Variants in ARAP3 observed in about 807,000 individuals in gnomAD.
The protein encoded by ARAP3 is ArfGAP with RhoGAP domain, ankyrin repeat and PH domain 3, also known as arf-GAP with Rho-GAP domain, ANK repeat and PH domain-containing protein 3.
In ARAP3, 82 loss-of-function variants were observed where a neutral mutation model predicts 169.2. The ratio of observed to expected loss-of-function variants is 0.48; its 90% CI spans 0.41 to 0.58. ARAP3 has a LOEUF of 0.58. Ranked by LOEUF, ARAP3 falls within the 20% of genes least tolerant of loss-of-function variation. The pLI is 0.00. For synonymous variants in ARAP3, 791 were observed against 800.3 expected, an observed-to-expected ratio of 0.99 and a Z score of 0.20; for missense variants, 1,764 against 2,018.0, an observed-to-expected ratio of 0.87 and a Z score of 2.41.
chr5:141,656,854 G>A lies in ARAP3; in HGVS notation c.3527-8C>T, dbSNP rs1470017959. 1.2e-6 allele frequency: 2 copies of A among 1,611,880 alleles called. No homozygotes were observed. Among genetic ancestry groups the A allele is most frequent in the African/African-American group, 1.3e-5 (1 of 74,862 alleles). The stretch of plus-strand genomic sequence containing the variant: ...TGGGATGCAGTGGCCGCTCTTAAGG[G>A]GAAAGGTGAGGGTTTATATATCAAT... On this transcript the variant is annotated splice_region_variant and splice_polypyrimidine_tract_variant and intron_variant, in intron 25 of 32. Transcript: ENST00000239440.
chr5:141,661,882 T>C (rs1050709088), intron 20 of ARAP3, 93 bp from the exon 21 acceptor site: 4 of 1,475,372 alleles, frequency 2.7e-6, no homozygotes, highest in Admixed American at 1.7e-5. Context: ...AAATGCAGGA[T>C]GGATGTGTCT....
chr5:141,662,173 G>A lies in ARAP3; in HGVS notation c.2883C>T (p.Ala961=), dbSNP rs2099910049. The A allele has an allele frequency of 6.2e-7, 1 of 1,614,194 alleles. No individual in the cohort carries two copies. Among genetic ancestry groups the A allele is most frequent in the Non-Finnish European group, 8.5e-7 (1 of 1,180,036 alleles). Reference sequence around the variant, plus strand: ...CCCCTGGTCGGAGCTTCACCGACCGGGCATCCCGACGGAACTCAGCCAGGA... The same window carrying A: ...CCCCTGGTCGGAGCTTCACCGACCGAGCATCCCGACGGAACTCAGCCAGGA... ...LRLLAEFRRD[A]RSVKLRPGEH... is the part of the protein sequence containing the mutation. Residue 961 remains alanine, a synonymous_variant, in exon 20 of 33, where the codon GCC becomes GCT. Transcript: ENST00000239440.
Position 141,672,390 on chromosome 5 carries a change from C to A in ARAP3, c.1386-89G>T. On this transcript the variant is annotated intron_variant, in intron 9 of 32. Transcript: ENST00000239440. The surrounding 1 kb of genome is among the most constrained non-coding windows in gnomAD (Gnocchi z 4.9). ...TTCCTGCAGGAGCCACCACAGGCCA[C>A]ACCTGGGGCAGCCCAGACCCTTCTG... 23 of 1,555,772 alleles carry A rather than the reference C, an allele frequency of 1.5e-5. No homozygotes were observed. The highest frequency in any genetic ancestry group is 1.9e-5 in the Non-Finnish European group (22 of 1,138,544).
chr5:141,673,824 A>C lies in ARAP3; in HGVS notation c.699-16T>G. 6.2e-7 allele frequency: 1 copy of C among 1,612,992 alleles called. No individual in the cohort carries two copies. Reference sequence around the variant, plus strand: ...TCTGCTGAGCCTTGTGGGGGCCAAGACAGGGAGGGACACACATTAGACAAG... The same window carrying C: ...TCTGCTGAGCCTTGTGGGGGCCAAGCCAGGGAGGGACACACATTAGACAAG... On this transcript the variant is annotated splice_polypyrimidine_tract_variant and intron_variant, in intron 4 of 32. Coordinates refer to ENST00000239440, the MANE Select transcript of ARAP3 (RefSeq NM_022481.6).
At chr5:141,679,438 G>A in intron 4 of ARAP3, 107 bp downstream of exon 4, 1 of 1,106,246 alleles carries the variant, frequency 9.0e-7, no homozygotes, top group Non-Finnish European at 1.3e-6. Context: ...TGTATCTTGA[G>A]TGCCTGGCTG....
intron 32 of ARAP3, 38 bp downstream of exon 32, chr5:141,655,324 G>A (rs777293917): frequency 6.4e-7 from 1 of 1,562,084 alleles, no homozygotes; most frequent in Non-Finnish European, 8.7e-7. Context: ...GGAATACAGG[G>A]TTGACAGGCA....
intron 25 of ARAP3, among the ~76,000 whole-genome samples, chr5:141,657,342 C>T (rs963091040): frequency 2.6e-5 from 4 of 152,138 alleles, no homozygotes; most frequent in Non-Finnish European, 4.4e-5. Flanking sequence ...AGGATAGATA[C>T]GAGAACAGGT....
At chr5:141,661,993 G>C (rs1420168830) in intron 20 of ARAP3, 50 bp downstream of exon 20, 12 of 1,604,200 alleles carry the variant, frequency 7.5e-6, no homozygotes, top group South Asian at 1.1e-5. Context: ...TCTGGTGGGG[G>C]AAGGCAGAGA....
At chr5:141,654,527 G>C in intron 32 of ARAP3, 92 bp from the exon 33 acceptor site, 1 of 1,484,098 alleles carries the variant, frequency 6.7e-7, no homozygotes, top group Non-Finnish European at 9.0e-7. Context: ...CTCTGGGCCA[G>C]ATGCTGTAAA....
chr5:141,678,071 T>C (rs943643087), intron 4 of ARAP3, among the ~76,000 whole-genome samples: 5 of 151,864 alleles, frequency 3.3e-5, no homozygotes, highest in Non-Finnish European at 5.9e-5. Context: ...CTCAGCCTCC[T>C]GAGTAGCTGG....
intron 1 of ARAP3, among the ~76,000 whole-genome samples, chr5:141,681,951 T>G (rs1443844007): frequency 5.4e-5 from 4 of 74,134 alleles, no homozygotes; most frequent in Non-Finnish European, 5.7e-5. Context: ...GGGACAGGAG[T>G]GGCGGGGGCG....
At position 141,677,015 on chromosome 5, in the gene ARAP3, C is replaced by A. The variant is rs548958285; in HGVS notation, c.698+2530G>T. On this transcript the variant is annotated intron_variant, in intron 4 of 32. Coordinates refer to ENST00000239440, the MANE Select transcript of ARAP3 (RefSeq NM_022481.6). ...TCTTCCCCATCTCAGACCGTGGCGG[C>A]TCCAGGAACTTTCAGGTGCTCAGGA... Among the ~76,000 whole-genome samples the A allele has an allele frequency of 7.2e-5, 11 of 152,300 alleles. No homozygotes were observed. In the East Asian group the frequency reaches 2.1e-3, roughly 29 times the overall value.
In ARAP3 at chr5:141,654,376, G is replaced by C; in HGVS notation, c.4209C>G (p.Tyr1403Ter). Residue 1403 changes from tyrosine to a stop codon, truncating the protein, a stop_gained, in exon 33 of 33, where the codon TAC (tyrosine) becomes TAG (stop). Transcript: ENST00000239440. LOFTEE classifies it high-confidence loss of function. ...EEQEELEEPV[Y>*]EEPVYEEVGA... ...CTACTTCCTCATACACTGGCTCCTC[G>C]TACACAGGCTCCTCCAGCTCCTCTT... 1 of 1,613,094 alleles carries C rather than the reference G, an allele frequency of 6.2e-7. No homozygotes were observed. Among genetic ancestry groups the C allele is most frequent in the Non-Finnish European group, 8.5e-7 (1 of 1,179,520 alleles).
In ARAP3 at chr5:141,680,081, G is replaced by A. The variant is rs770883137; in HGVS notation, c.406C>T (p.Pro136Ser). Reference protein sequence around the residue: ...SRSPEPSPRPPPLPTSSSEQS... With the variant: ...SRSPEPSPRPSPLPTSSSEQS... ...TCAGAGGAGGAAGTGGGGAGAGGAG[G>A]AGGCCTTGGGCTGGGCTCTGGGCTC... The change falls in exon 2 of 33, where the codon CCT becomes TCT. Residue 136 changes from proline to serine, a missense_variant. This residue lies in a region of ARAP3 where 630 missense variants were observed against 678.7 expected (regional missense o/e 0.93). Coordinates refer to ENST00000239440, the MANE Select transcript of ARAP3 (RefSeq NM_022481.6). The A allele has an allele frequency of 6.8e-6, 11 of 1,613,998 alleles. No homozygotes were observed. The highest frequency in any genetic ancestry group is 1.1e-5 in the South Asian group (1 of 91,076).
At chr5:141,677,359 A>G (rs2099912317) in intron 4 of ARAP3, among the ~76,000 whole-genome samples, 2 of 152,162 alleles carry the variant, frequency 1.3e-5, no homozygotes, top group South Asian at 4.1e-4. Context: ...TTTATTGTGC[A>G]TCTCAAAGGA....
At chr5:141,676,110 A>G (rs2099912146) in intron 4 of ARAP3, among the ~76,000 whole-genome samples, 1 of 152,206 alleles carries the variant, frequency 6.6e-6, no homozygotes, top group Admixed American at 6.5e-5. Context: ...CTGTAATCCC[A>G]GCACTTTGGC....
Position 141,656,621 on chromosome 5 carries a change from G to C in ARAP3, c.3672C>G (p.Ser1224Arg). The C allele has an allele frequency of 6.2e-7, 1 of 1,613,540 alleles. No homozygotes were observed. The highest frequency in any genetic ancestry group is 8.5e-7 in the Non-Finnish European group (1 of 1,179,764). Residue 1224 changes from serine to arginine, a missense_variant, in exon 27 of 33, where the codon AGC becomes AGG. Ser to Arg is a moderately radical substitution (Grantham distance 110). Around this residue, in one of 3 missense-constraint regions of ARAP3, gnomAD observed 1,112 missense variants for 1,285.7 expected, o/e 0.86. Coordinates refer to ENST00000239440, the MANE Select transcript of ARAP3 (RefSeq NM_022481.6). The stretch of plus-strand genomic sequence containing the variant: ...GACACCGCAACAGCCCCACCCGTGG[G>C]CTCTCACGTCGGATACCTGGGCATA... Reference protein sequence around the residue: ...GCLFTGIRRESPRVGLLRCRE... With the variant: ...GCLFTGIRRERPRVGLLRCRE...
rs1338199877 is a variant in ARAP3, at chr5:141,673,619, C to T, written c.888G>A (p.Lys296=). 3 of 1,613,914 alleles carry T rather than the reference C, an allele frequency of 1.9e-6. No individual in the cohort carries two copies. The highest frequency in any genetic ancestry group is 3.3e-5 in the Admixed American group (2 of 60,016). ...LTPLLSGWLD[K]LSPQGNYVFQ... is the part of the protein sequence containing the mutation. ...CCAGCACCCACCCCTGAGGGGAGAGCTTGTCTAGCCAGCCACTGAGCAGGG... is the reference window on the plus strand; with the variant it reads ...CCAGCACCCACCCCTGAGGGGAGAGTTTGTCTAGCCAGCCACTGAGCAGGG... The change falls in exon 5 of 33, where the codon AAG becomes AAA. Residue 296 remains lysine, a synonymous_variant. Coordinates refer to ENST00000239440, the MANE Select transcript of ARAP3 (RefSeq NM_022481.6).
At position 141,673,817 on chromosome 5, in the gene ARAP3, G is replaced by T. The variant is rs761074729; in HGVS notation, c.699-9C>A. 1.2e-6 allele frequency: 2 copies of T among 1,613,394 alleles called. No homozygotes were observed. Among genetic ancestry groups the T allele is most frequent in the Non-Finnish European group, 1.7e-6 (2 of 1,179,866 alleles). The stretch of plus-strand genomic sequence containing the variant: ...GATCCTGTCTGCTGAGCCTTGTGGG[G>T]GCCAAGACAGGGAGGGACACACATT... On this transcript the variant is annotated splice_polypyrimidine_tract_variant and intron_variant, in intron 4 of 32. Coordinates refer to ENST00000239440, the MANE Select transcript of ARAP3 (RefSeq NM_022481.6).
Sources: gnomAD v4.1 joint callset for allele counts (sites outside exome capture counted in the v4.1 genomes callset) on GRCh38, gnomAD v4.1.1 for gene constraint, gnomAD v4.1.1 regional missense constraint, Gnocchi (gnomAD v3.1) non-coding constraint, MANE v1.5 for transcripts, NCBI Gene and HGNC (gene_info 2026-07-23, HGNC 2026-07-21) for gene names.